SPAG16: variants seen among roughly 807,000 people sequenced by gnomAD.
The protein encoded by SPAG16 is sperm associated antigen 16, also known as sperm-associated antigen 16 protein.
Under a neutral mutation model 80.4 loss-of-function variants are expected in SPAG16, and 86 were observed. That is an observed-to-expected ratio of 1.07 (90% CI 0.90 to 1.28). The LOEUF is 1.28. Ranked by LOEUF, SPAG16 falls within the 50% of genes most tolerant of loss-of-function variation. The pLI, the probability that SPAG16 is intolerant of heterozygous loss-of-function variation, is 0.00. For synonymous variants in SPAG16, 294 were observed against 265.9 expected (o/e 1.11, Z -1.03); for missense variants, 870 against 765.3 (o/e 1.14, Z -1.61).
intron 10 of SPAG16, among the ~76,000 whole-genome samples, chr2:213,576,345 G>C (rs1056205287): frequency 2.1e-4 from 32 of 152,096 alleles, no homozygotes; most frequent in African/African-American, 7.5e-4. Context: ...GTAGTTTGAA[G>C]TCAGGTAGCG....
chr2:213,942,466 T>C (rs566780857), intron 12 of SPAG16, among the ~76,000 whole-genome samples: 1 of 152,220 alleles, frequency 6.6e-6, no homozygotes, highest in African/African-American at 2.4e-5. Flanking sequence ...AGAACATTTT[T>C]ATTCTTCCAC....
intron 10 of SPAG16, among the ~76,000 whole-genome samples, chr2:213,534,608 T>G (rs2076178787): frequency 6.6e-6 from 1 of 152,060 alleles, no homozygotes; most frequent in African/African-American, 2.4e-5. Context: ...AAAAACATAC[T>G]CATTGAAAGA....
intron 15 of SPAG16, among the ~76,000 whole-genome samples, chr2:214,379,040 G>A (rs1700296473): frequency 6.6e-6 from 1 of 152,200 alleles, no homozygotes; most frequent in Non-Finnish European, 1.5e-5. Flanking sequence ...CTTACCTGCT[G>A]CAGGTCACTG....
chr2:213,931,520 A>C (rs577903216), intron 12 of SPAG16, among the ~76,000 whole-genome samples: 2 of 152,208 alleles, frequency 1.3e-5, no homozygotes, highest in African/African-American at 4.8e-5. Context: ...ATTTTGTATC[A>C]CTTTTGACTT....
intron 9 of SPAG16, among the ~76,000 whole-genome samples, chr2:213,396,347 T>C (rs1028529948): frequency 5.3e-5 from 8 of 152,240 alleles, no homozygotes; most frequent in Non-Finnish European, 2.9e-5. Flanking sequence ...TCCCCACATA[T>C]TTGGACATTC....
intron 10 of SPAG16, among the ~76,000 whole-genome samples, chr2:213,544,755 T>A (rs1420382331): frequency 6.6e-6 from 1 of 152,162 alleles, no homozygotes; most frequent in Non-Finnish European, 1.5e-5. Flanking sequence ...TAACATGTCA[T>A]GTAGCTGGAA....
chr2:213,795,619 T>C (rs1047972029), intron 10 of SPAG16, among the ~76,000 whole-genome samples: 2 of 152,188 alleles, frequency 1.3e-5, no homozygotes, highest in Admixed American at 1.3e-4. Context: ...TCAGTTGTAA[T>C]CCTCAGTGTT....
At chr2:213,694,791 CCTTCT>C (rs1263513268) in intron 10 of SPAG16, among the ~76,000 whole-genome samples, 1 of 151,336 alleles carries the variant, frequency 6.6e-6, no homozygotes, top group Non-Finnish European at 1.5e-5. Flanking sequence ...TTCCTTCCTT[CCTTCT>C]ACTCTCCCTT....
chr2:213,459,478 A>G (rs746279575), intron 9 of SPAG16, among the ~76,000 whole-genome samples: 192 of 152,296 alleles, frequency 1.3e-3, no homozygotes, highest in South Asian at 1.9e-3. Context: ...AGATGATTCA[A>G]AGTTTCACTT....
chr2:213,585,804 C>A (rs1214712198), intron 10 of SPAG16, among the ~76,000 whole-genome samples: 2 of 152,126 alleles, frequency 1.3e-5, no homozygotes, highest in African/African-American at 2.4e-5. Flanking sequence ...CATAAGTTAA[C>A]CTCAACAAAT....
chr2:213,617,075 G>A (rs1056694531), intron 10 of SPAG16, among the ~76,000 whole-genome samples: 1 of 152,138 alleles, frequency 6.6e-6, no homozygotes, highest in Non-Finnish European at 1.5e-5. Context: ...AAACTGGATT[G>A]AATAGGGAAA....
intron 9 of SPAG16, among the ~76,000 whole-genome samples, chr2:213,455,658 TAA>T (rs2071957097): frequency 6.6e-6 from 1 of 152,166 alleles, no homozygotes; most frequent in Non-Finnish European, 1.5e-5. Context: ...TAGAATCTTA[TAA>T]GGAGCTTGCA....
intron 15 of SPAG16, among the ~76,000 whole-genome samples, chr2:214,221,069 G>T (rs1279006666): frequency 1.3e-5 from 2 of 151,990 alleles, no homozygotes; most frequent in East Asian, 3.9e-4. Flanking sequence ...ATAGCTTCCT[G>T]GCTAAAATAA....
chr2:213,684,655 C>T (rs756044811), intron 10 of SPAG16, among the ~76,000 whole-genome samples: 15 of 152,198 alleles, frequency 9.9e-5, no homozygotes, highest in Middle Eastern at 3.4e-3. Flanking sequence ...ATGACTTTTC[C>T]GCTCTTATAG....
intron 11 of SPAG16, among the ~76,000 whole-genome samples, chr2:213,874,302 A>G (rs1470694684): frequency 6.6e-6 from 1 of 152,158 alleles, no homozygotes; most frequent in Non-Finnish European, 1.5e-5. Flanking sequence ...TACTTTATAA[A>G]CTATTTAATT....
intron 9 of SPAG16, among the ~76,000 whole-genome samples, chr2:213,403,492 TG>T (rs2068441228): frequency 6.8e-6 from 1 of 146,168 alleles, no homozygotes; most frequent in South Asian, 2.1e-4. Flanking sequence ...AAAAGGCCTT[TG>T]ACAAAATTCA....
At chr2:214,314,504 A>C (rs981884110) in intron 15 of SPAG16, among the ~76,000 whole-genome samples, 57 of 152,238 alleles carry the variant, frequency 3.7e-4, no homozygotes, top group African/African-American at 1.3e-3. Context: ...AAGACCCTAC[A>C]GTCAGTCTCT....
chr2:213,734,591 G>A (rs1325382648), intron 10 of SPAG16, among the ~76,000 whole-genome samples: 1 of 152,148 alleles, frequency 6.6e-6, no homozygotes, highest in Non-Finnish European at 1.5e-5. Flanking sequence ...TTGAAGGTGA[G>A]TGTCTTTTTA....
At chr2:213,535,297 G>A (rs2076204383) in intron 10 of SPAG16, among the ~76,000 whole-genome samples, 1 of 151,938 alleles carries the variant, frequency 6.6e-6, no homozygotes, top group South Asian at 2.1e-4. Flanking sequence ...GATAGAATTA[G>A]CATACAAGTA....
Sources: allele counts gnomAD v4.1 joint callset (sites outside exome capture counted in the v4.1 genomes callset), GRCh38; gene constraint gnomAD v4.1.1; transcripts MANE v1.5; gene names NCBI Gene and HGNC (gene_info 2026-07-23, HGNC 2026-07-21).